ZDHHC14: variants seen among roughly 807,000 people sequenced by gnomAD.
ZDHHC14 encodes the protein zDHHC palmitoyltransferase 14.
A neutral mutation model predicts 47.7 loss-of-function variants in ZDHHC14; 16 were observed. That is an observed-to-expected ratio of 0.34 (90% CI 0.23 to 0.51). The LOEUF (loss-of-function observed/expected upper bound fraction) is 0.51, where lower values mean the gene tolerates loss of function less well. Among genes scored for constraint, ZDHHC14 ranks in the 20% least tolerant of loss-of-function variants. The pLI is 0.97. For synonymous variants in ZDHHC14, 293 were observed against 278.9 expected, an observed-to-expected ratio of 1.05 and a Z score of -0.50; for missense variants, 515 against 662.5, an observed-to-expected ratio of 0.78 and a Z score of 2.44.
chr6:157,588,630 G>A lies in ZDHHC14; in HGVS notation c.407-4358G>A, dbSNP rs199541486. Among the ~76,000 whole-genome samples, 4 of 152,194 alleles carry A rather than the reference G, an allele frequency of 2.6e-5. No homozygotes were observed. The East Asian group carries it at 7.7e-4, about 29-fold the overall frequency. ...ACCCTGAGCTGTTCTAAATCACCAA[G>A]TGCTCTGCGTGAAAACGCTTGGGTG... is the stretch of plus-strand genomic sequence containing the variant. On this transcript the variant is annotated intron_variant, in intron 2 of 8. Coordinates refer to ENST00000359775, the MANE Select transcript of ZDHHC14 (RefSeq NM_024630.3).
At chr6:157,619,493 G>A (rs186757149) in intron 3 of ZDHHC14, among the ~76,000 whole-genome samples, 2 of 152,328 alleles carry the variant, frequency 1.3e-5, no homozygotes, top group East Asian at 3.9e-4. Flanking sequence ...CTGTTGTCTA[G>A]TAGTCAAGCT....
intron 1 of ZDHHC14, among the ~76,000 whole-genome samples, chr6:157,453,827 G>C (rs1225412808): frequency 8.6e-6 from 1 of 116,512 alleles, no homozygotes; most frequent in Non-Finnish European, 1.9e-5. Context: ...TTTGACCATG[G>C]ATGACTCCAC....
intron 1 of ZDHHC14, among the ~76,000 whole-genome samples, chr6:157,453,085 T>A (rs1212954891): frequency 6.6e-6 from 1 of 152,140 alleles, no homozygotes; most frequent in African/African-American, 2.4e-5. Context: ...TTTTTTCACA[T>A]GACAGAGATT....
chr6:157,603,093 C>T (rs964026339), intron 3 of ZDHHC14, among the ~76,000 whole-genome samples: 6 of 152,154 alleles, frequency 3.9e-5, no homozygotes, highest in African/African-American at 7.2e-5. Context: ...CAGGCTGGGA[C>T]GTCCACAGTG....
intron 2 of ZDHHC14, among the ~76,000 whole-genome samples, chr6:157,548,451 G>C (rs1252857237): frequency 1.3e-5 from 2 of 151,918 alleles, no homozygotes; most frequent in Non-Finnish European, 2.9e-5. Context: ...TTGTTTGTTT[G>C]TTTGTTTGTT....
At position 157,627,771 on chromosome 6, in the gene ZDHHC14, A is replaced by G. The variant is rs1583039471; in HGVS notation, c.566-578A>G. 2.6e-5 allele frequency among the ~76,000 whole-genome samples: 4 copies of G among 152,352 alleles called. No individual in the cohort carries two copies. The East Asian group carries it at 5.8e-4, about 22-fold the overall frequency. On this transcript the variant is annotated intron_variant, in intron 3 of 8. Transcript: ENST00000359775. ...GCCTCAGTTTGCCCATCTGTAAAAT[A>G]GGGTAACACCATCGTTTTCTTCATA...
At chr6:157,583,778 G>T (rs535453996) in intron 2 of ZDHHC14, among the ~76,000 whole-genome samples, 1 of 152,252 alleles carries the variant, frequency 6.6e-6, no homozygotes, top group East Asian at 1.9e-4. Flanking sequence ...GTAAGCTCAG[G>T]CTTTATATTC....
intron 5 of ZDHHC14, among the ~76,000 whole-genome samples, chr6:157,637,930 A>G (rs990077726): frequency 2.0e-5 from 3 of 152,352 alleles, no homozygotes; most frequent in Middle Eastern, 3.4e-3. Flanking sequence ...ATCAGTGTCA[A>G]TGATGGAAAC....
intron 1 of ZDHHC14, among the ~76,000 whole-genome samples, chr6:157,418,116 C>G (rs1291692640): frequency 1.3e-5 from 2 of 152,154 alleles, no homozygotes; most frequent in African/African-American, 4.8e-5. Flanking sequence ...CACATCCAGA[C>G]CTGACATCAG....
intron 1 of ZDHHC14, among the ~76,000 whole-genome samples, chr6:157,524,522 C>T (rs1017932249): frequency 1.3e-5 from 2 of 152,280 alleles, no homozygotes; most frequent in South Asian, 2.1e-4. Flanking sequence ...TACATATACA[C>T]GTTTTCTCTT....
chr6:157,400,922 G>A (rs1777622987), intron 1 of ZDHHC14, among the ~76,000 whole-genome samples: 1 of 152,172 alleles, frequency 6.6e-6, no homozygotes, highest in African/African-American at 2.4e-5. Flanking sequence ...CCAGAACCCT[G>A]TCTTATTGAT....
chr6:157,612,614 G>A (rs781642438), intron 3 of ZDHHC14, among the ~76,000 whole-genome samples: 3 of 152,182 alleles, frequency 2.0e-5, no homozygotes, highest in Non-Finnish European at 2.9e-5. Flanking sequence ...CACTGGGGAT[G>A]TGTGGACTCG....
At position 157,582,207 on chromosome 6, in the gene ZDHHC14, C is replaced by T. The variant is rs1031999092; in HGVS notation, c.407-10781C>T. Among the ~76,000 whole-genome samples, 2 of 152,172 alleles carry T rather than the reference C, an allele frequency of 1.3e-5. No individual in the cohort carries two copies. The highest frequency in any genetic ancestry group is 1.9e-4 in the East Asian group (1 of 5,190). On this transcript the variant is annotated intron_variant, in intron 2 of 8. Coordinates refer to ENST00000359775, the MANE Select transcript of ZDHHC14 (RefSeq NM_024630.3). The surrounding 1 kb of genome is among the most constrained non-coding windows in gnomAD (Gnocchi z 4.3). Reference sequence around the variant, plus strand: ...CCACCATGCCCAGCCCACCCTGTGCCTTTTAATTGGGTCATTTCCTATTTA... The same window carrying T: ...CCACCATGCCCAGCCCACCCTGTGCTTTTTAATTGGGTCATTTCCTATTTA...
chr6:157,481,447 G>A (rs1779628605), intron 1 of ZDHHC14, among the ~76,000 whole-genome samples: 1 of 152,224 alleles, frequency 6.6e-6, no homozygotes, highest in African/African-American at 2.4e-5. Context: ...CTGGTCAAGA[G>A]GAGGCCCCAT....
In ZDHHC14 at chr6:157,484,157, G is replaced by A. The variant is rs979587804; in HGVS notation, c.246-58428G>A. The stretch of plus-strand genomic sequence containing the variant: ...GGGCCTTCTTGAGGGTAGGGGGTGC[G>A]GGGAGGGAGAGGATCAGAAAAAAAT... On this transcript the variant is annotated intron_variant, in intron 1 of 8. Coordinates refer to ENST00000359775, the MANE Select transcript of ZDHHC14 (RefSeq NM_024630.3). Among the ~76,000 whole-genome samples the A allele has an allele frequency of 5.3e-5, 8 of 151,592 alleles. No individual in the cohort carries two copies. In the South Asian group the frequency reaches 1.3e-3, roughly 24 times the overall value.
At chr6:157,425,165 A>G (rs1985551) in intron 1 of ZDHHC14, among the ~76,000 whole-genome samples, 257 of 152,336 alleles carry the variant, frequency 1.7e-3, no homozygotes, top group African/African-American at 5.9e-3. Flanking sequence ...AATTCTCTTC[A>G]TAAGGATCTT....
At chr6:157,439,996 C>T (rs1778529994) in intron 1 of ZDHHC14, among the ~76,000 whole-genome samples, 2 of 151,958 alleles carry the variant, frequency 1.3e-5, no homozygotes, top group African/African-American at 2.4e-5. Context: ...ACAACACACC[C>T]TGGGGCCTCT....
chr6:157,389,962 A>G (rs563472428), intron 1 of ZDHHC14, among the ~76,000 whole-genome samples: 5 of 152,304 alleles, frequency 3.3e-5, no homozygotes, highest in African/African-American at 9.6e-5. Context: ...TTAAATAGAG[A>G]TAATTTTAAA....
chr6:157,464,868 A>G (rs1779169336), intron 1 of ZDHHC14, among the ~76,000 whole-genome samples: 1 of 152,166 alleles, frequency 6.6e-6, no homozygotes, highest in Non-Finnish European at 1.5e-5. Context: ...TCTCGTACGT[A>G]GCTGTGACCA....
Sources: gnomAD v4.1 joint callset for allele counts (sites outside exome capture counted in the v4.1 genomes callset) on GRCh38, gnomAD v4.1.1 for gene constraint, Gnocchi (gnomAD v3.1) non-coding constraint, MANE v1.5 for transcripts, NCBI Gene and HGNC (gene_info 2026-07-23, HGNC 2026-07-21) for gene names.